Variants in ASPRV1 observed in about 807,000 individuals in gnomAD.
ASPRV1 encodes the protein aspartic peptidase retroviral like 1, also known as retroviral-like aspartic protease 1.
In ASPRV1, 7 loss-of-function variants were observed where a neutral mutation model predicts 11.0. The observed-to-expected ratio is 0.64, with a 90% CI of 0.36 to 1.20. ASPRV1 has a LOEUF of 1.20. Among genes scored for constraint, ASPRV1 ranks in the 50% most tolerant of loss-of-function variants. The pLI is 0.02. For synonymous variants in ASPRV1, 136 were observed against 138.4 expected (o/e 0.98, Z 0.12); for missense variants, 299 against 320.0 (o/e 0.93, Z 0.50).
the ASPRV1 span, among the ~76,000 whole-genome samples, chr2:69,971,790 G>A: frequency 5.3e-5 from 8 of 152,166 alleles, no homozygotes; most frequent in Non-Finnish European, 4.4e-5. Flanking sequence ...ATCATCTGGG[G>A]GAGCTTTGCT....
the ASPRV1 span, among the ~76,000 whole-genome samples, chr2:70,067,428 G>C: frequency 6.6e-6 from 1 of 152,224 alleles, no homozygotes; most frequent in East Asian, 1.9e-4. Context: ...TCCACGTGTA[G>C]ATGGTAACTG....
At chr2:70,082,099 C>G in the ASPRV1 span, among the ~76,000 whole-genome samples, 2 of 152,002 alleles carry the variant, frequency 1.3e-5, no homozygotes, top group African/African-American at 4.8e-5. Context: ...CTCAGCCTCC[C>G]GAGTAGCTGG....
the ASPRV1 span, among the ~76,000 whole-genome samples, chr2:69,971,634 T>C: frequency 1.3e-5 from 2 of 152,182 alleles, no homozygotes; most frequent in Non-Finnish European, 2.9e-5. Context: ...CAACAGACAG[T>C]GCGGGGTGCT....
At chr2:70,038,031 T>A in the ASPRV1 span, among the ~76,000 whole-genome samples, 1 of 152,220 alleles carries the variant, frequency 6.6e-6, no homozygotes, top group African/African-American at 2.4e-5. Flanking sequence ...CCAGTTGGAC[T>A]AGTTTTTCAT....
At chr2:70,006,347 T>TA in the ASPRV1 span, among the ~76,000 whole-genome samples, 5 of 152,204 alleles carry the variant, frequency 3.3e-5, no homozygotes, top group African/African-American at 1.2e-4. Flanking sequence ...TGGGGCCCCC[T>TA]ACGGTTAGGT....
the ASPRV1 span, among the ~76,000 whole-genome samples, chr2:69,978,229 G>A: frequency 4.6e-5 from 7 of 152,094 alleles, no homozygotes; most frequent in East Asian, 3.9e-4. Flanking sequence ...TCCCCAGGGG[G>A]CTCTGTACTC....
At chr2:70,036,429 C>A in the ASPRV1 span, among the ~76,000 whole-genome samples, 1 of 151,872 alleles carries the variant, frequency 6.6e-6, no homozygotes, top group East Asian at 1.9e-4. Context: ...TAGCAACTAG[C>A]GTGGGCGGGT....
At chr2:70,084,038 T>C in the ASPRV1 span, among the ~76,000 whole-genome samples, 6 of 151,880 alleles carry the variant, frequency 4.0e-5, no homozygotes, top group Non-Finnish European at 5.9e-5. Context: ...CGTCCAAACG[T>C]GGGCTACCGA....
the ASPRV1 span, among the ~76,000 whole-genome samples, chr2:69,949,945 A>C: frequency 6.6e-6 from 1 of 152,052 alleles, no homozygotes; most frequent in Non-Finnish European, 1.5e-5. Flanking sequence ...CCTCCCGAGT[A>C]GCTGGGATTA....
the ASPRV1 span, among the ~76,000 whole-genome samples, chr2:69,987,769 T>C: frequency 5.7e-3 from 869 of 151,946 alleles, 6 homozygotes; most frequent in Non-Finnish European, 7.9e-3. Flanking sequence ...AAATAACAAA[T>C]AAAGGATGGT....
chr2:70,054,710 G>A, the ASPRV1 span, among the ~76,000 whole-genome samples: 1 of 152,132 alleles, frequency 6.6e-6, no homozygotes, highest in Non-Finnish European at 1.5e-5. Flanking sequence ...ACGATGGGAT[G>A]TCCTGGTATA....
chr2:70,055,786 G>C, the ASPRV1 span: 1 of 152,042 alleles, frequency 6.6e-6, no homozygotes, highest in African/African-American at 2.4e-5. Flanking sequence ...ATTTATAAAG[G>C]CAATGTATCA....
chr2:69,985,389 C>G, the ASPRV1 span, among the ~76,000 whole-genome samples: 7 of 152,228 alleles, frequency 4.6e-5, no homozygotes, highest in African/African-American at 1.7e-4. Context: ...TTCTTCCCAT[C>G]TCACTAAATC....
chr2:70,022,372 C>T, the ASPRV1 span, among the ~76,000 whole-genome samples: 2 of 145,336 alleles, frequency 1.4e-5, no homozygotes, highest in Non-Finnish European at 3.0e-5. Context: ...TACACACACA[C>T]ACACACACAC....
At chr2:70,061,523 G>A in the ASPRV1 span, among the ~76,000 whole-genome samples, 1 of 152,214 alleles carries the variant, frequency 6.6e-6, no homozygotes, top group East Asian at 1.9e-4. Flanking sequence ...TGGAGAAGGG[G>A]TCAACGAACT....
At chr2:69,950,542 A>G in the ASPRV1 span, among the ~76,000 whole-genome samples, 1 of 152,110 alleles carries the variant, frequency 6.6e-6, no homozygotes, top group Non-Finnish European at 1.5e-5. Flanking sequence ...AACAATCTAA[A>G]TGTTAAAAAA....
the ASPRV1 span, among the ~76,000 whole-genome samples, chr2:70,072,143 G>A: frequency 7.2e-4 from 110 of 151,844 alleles, no homozygotes; most frequent in African/African-American, 2.4e-3. Context: ...GTAGAGATGG[G>A]GTTTCGCCAC....
At chr2:70,028,684 A>C in the ASPRV1 span, 2 of 152,312 alleles carry the variant, frequency 1.3e-5, no homozygotes, top group African/African-American at 2.4e-5. Flanking sequence ...TTCATGTCAT[A>C]GTCACAAGAC....
At chr2:70,056,495 C>A in the ASPRV1 span, 5 of 147,546 alleles carry the variant, frequency 3.4e-5, no homozygotes, top group Non-Finnish European at 7.4e-5. Context: ...GTCCCAGCTA[C>A]TCGGGAGGCT....
Sources: gnomAD v4.1 joint callset for allele counts (sites outside exome capture counted in the v4.1 genomes callset) on GRCh38, gnomAD v4.1.1 for gene constraint, MANE v1.5 for transcripts, NCBI Gene and HGNC (gene_info 2026-07-23, HGNC 2026-07-21) for gene names.